PCMTD1: variants seen among roughly 807,000 people sequenced by gnomAD.
The protein encoded by PCMTD1 is protein-L-isoaspartate (D-aspartate) O-methyltransferase domain containing 1.
In PCMTD1, 12 loss-of-function variants were observed where a neutral mutation model predicts 37.6. That is an observed-to-expected ratio of 0.32 (90% CI 0.20 to 0.52). The LOEUF is 0.52. Among genes scored for constraint, PCMTD1 ranks in the 20% least tolerant of loss-of-function variants. The pLI, the probability that PCMTD1 is intolerant of heterozygous loss-of-function variation, is 0.97. For synonymous variants in PCMTD1, 117 were observed against 135.8 expected, an observed-to-expected ratio of 0.86 and a Z score of 0.96; for missense variants, 235 against 421.3, an observed-to-expected ratio of 0.56 and a Z score of 3.87.
intron 5 of PCMTD1, among the ~76,000 whole-genome samples, chr8:51,829,193 G>A (rs1232492501): frequency 6.6e-6 from 1 of 152,094 alleles, no homozygotes; most frequent in Non-Finnish European, 1.5e-5. Flanking sequence ...TGTAAAAAGT[G>A]GTCAACAAAT....
chr8:51,826,981 T>C (rs1290091508), intron 5 of PCMTD1: 1 of 932,740 alleles, frequency 1.1e-6, no homozygotes, highest in Non-Finnish European at 1.3e-6. Flanking sequence ...CAAGATACAT[T>C]TGGCAAATAA....
intron 2 of PCMTD1, among the ~76,000 whole-genome samples, chr8:51,847,550 T>C (rs958679516): frequency 1.3e-5 from 2 of 151,666 alleles, no homozygotes; most frequent in South Asian, 4.2e-4. Context: ...TTGCTTCAAC[T>C]CAGGAGACGG....
At chr8:51,822,732 A>G (rs2037866888) in intron 5 of PCMTD1, among the ~76,000 whole-genome samples, 1 of 152,184 alleles carries the variant, frequency 6.6e-6, no homozygotes, top group South Asian at 2.1e-4. Context: ...TGGAGATGCT[A>G]ATCTCATGTC....
At chr8:51,846,165 A>G (rs1470090023) in intron 2 of PCMTD1, among the ~76,000 whole-genome samples, 8 of 152,210 alleles carry the variant, frequency 5.3e-5, no homozygotes, top group East Asian at 1.9e-4. Flanking sequence ...GCTAACACAG[A>G]TATTACATGA....
chr8:51,853,868 A>G (rs1242912839), intron 2 of PCMTD1, among the ~76,000 whole-genome samples: 1 of 151,912 alleles, frequency 6.6e-6, no homozygotes, highest in Non-Finnish European at 1.5e-5. Context: ...ATCCCACCTT[A>G]GCTAGGAAGA....
At chr8:51,869,779 A>C (rs1377499102) in intron 1 of PCMTD1, among the ~76,000 whole-genome samples, 1 of 152,198 alleles carries the variant, frequency 6.6e-6, no homozygotes, top group Non-Finnish European at 1.5e-5. Context: ...TGTCTGTTTG[A>C]GAAGGAAGTC....
intron 2 of PCMTD1, among the ~76,000 whole-genome samples, chr8:51,852,491 A>G (rs1416939892): frequency 6.6e-6 from 1 of 152,182 alleles, no homozygotes; most frequent in Non-Finnish European, 1.5e-5. Flanking sequence ...TAGCTGCTTG[A>G]TAGAAATCTG....
chr8:51,875,117 CATA>C (rs936867289), intron 1 of PCMTD1, among the ~76,000 whole-genome samples: 3 of 152,124 alleles, frequency 2.0e-5, no homozygotes, highest in African/African-American at 7.2e-5. Flanking sequence ...ACTAAGTAAA[CATA>C]ATGCTTCTTT....
intron 1 of PCMTD1, among the ~76,000 whole-genome samples, chr8:51,868,860 T>C (rs976748402): frequency 2.0e-5 from 3 of 152,190 alleles, no homozygotes; most frequent in Non-Finnish European, 4.4e-5. Flanking sequence ...AATTAAAATT[T>C]TCATAATGCT....
chr8:51,861,163 A>C lies in PCMTD1; in HGVS notation c.-12T>G, dbSNP rs376782286. The C allele has an allele frequency of 8.4e-5, 132 of 1,565,796 alleles. No homozygotes were observed. The highest frequency in any genetic ancestry group is 1.0e-4 in the Non-Finnish European group (115 of 1,153,280). ...ACAGCTCCTCCCATGATAGTATTCA[A>C]ATCAAATCATAAATTTAAAAGTGAA... On this transcript the variant is annotated 5_prime_UTR_variant, in exon 2 of 6. The change creates a new upstream start codon in the 5' untranslated region. Coordinates refer to ENST00000522514, the MANE Select transcript of PCMTD1 (RefSeq NM_052937.4).
At position 51,820,184 on chromosome 8, in the gene PCMTD1, T is replaced by C; in HGVS notation, c.*167A>G. The C allele has an allele frequency of 1.9e-6, 1 of 529,716 alleles. No homozygotes were observed. Among genetic ancestry groups the C allele is most frequent in the Non-Finnish European group, 3.0e-6 (1 of 330,324 alleles). The allele number at this position is 529,716 out of a possible 1,614,324, so 32.8% of individuals were successfully genotyped here. ...AAAATAGATTTTATAAAAGGGATTC[T>C]TTTATTCACTGAATACATCATTTGT... On this transcript the variant is annotated 3_prime_UTR_variant, in exon 6 of 6. Coordinates refer to ENST00000522514, the MANE Select transcript of PCMTD1 (RefSeq NM_052937.4).
intron 1 of PCMTD1, among the ~76,000 whole-genome samples, chr8:51,896,929 A>C (rs2039009764): frequency 6.6e-6 from 1 of 151,594 alleles, no homozygotes; most frequent in African/African-American, 2.4e-5. Context: ...TCTTTTACTC[A>C]AAGCCTCTAT....
intron 1 of PCMTD1, 33 bp downstream of exon 1, chr8:51,898,897 A>T: frequency 7.6e-7 from 1 of 1,308,548 alleles, no homozygotes; most frequent in Non-Finnish European, 9.7e-7. Context: ...CGCACACCCC[A>T]CGACCCCGAG....
chr8:51,874,135 T>C (rs538740911), intron 1 of PCMTD1, among the ~76,000 whole-genome samples: 1 of 152,228 alleles, frequency 6.6e-6, no homozygotes, highest in Non-Finnish European at 1.5e-5. Context: ...CCTCACCTCC[T>C]GATCCGCCCA....
intron 1 of PCMTD1, among the ~76,000 whole-genome samples, chr8:51,885,610 A>G (rs759357654): frequency 1.3e-5 from 2 of 152,238 alleles, no homozygotes; most frequent in Non-Finnish European, 2.9e-5. Context: ...AAACCACTGA[A>G]AAACTCCTTA....
chr8:51,817,670 A>T lies in PCMTD1; in HGVS notation c.*2681T>A. 4.5e-6 allele frequency: 1 copy of T among 223,936 alleles called. No homozygotes were observed. The highest frequency in any genetic ancestry group is 9.1e-6 in the Non-Finnish European group (1 of 110,432). 13.9% of individuals were successfully genotyped at this position (223,936 alleles called of 1,614,324 possible). A position where few individuals can be genotyped will look rare whatever the true frequency, so the allele number is the denominator to read the frequency against. ...TTGCTTCACTTTTATCATCTCAAAC[A>T]GCTATAAATCAACACACTTTTTGTA... On this transcript the variant is annotated 3_prime_UTR_variant, in exon 6 of 6. Transcript: ENST00000522514.
intron 1 of PCMTD1, among the ~76,000 whole-genome samples, chr8:51,876,940 T>C (rs1316940316): frequency 6.6e-6 from 1 of 152,184 alleles, no homozygotes; most frequent in Non-Finnish European, 1.5e-5. Context: ...AACAGGATTA[T>C]CTGCGTAATC....
rs1382813400 is a variant in PCMTD1 at position 51,818,500 on chromosome 8, G to C, written c.*1851C>G. 6.6e-6 allele frequency: 1 copy of C among 152,176 alleles called. No homozygotes were observed. The highest frequency in any genetic ancestry group is 1.5e-5 in the Non-Finnish European group (1 of 68,280). The allele number at this position is 152,176 out of a possible 1,614,324, so 9.4% of individuals were successfully genotyped here. On this transcript the variant is annotated 3_prime_UTR_variant, in exon 6 of 6. Coordinates refer to ENST00000522514, the MANE Select transcript of PCMTD1 (RefSeq NM_052937.4). ...AAACATGTGGTCACCAGGAATTCAA[G>C]GTAACTAGGTACTTCAAAAGCCACA...
chr8:51,875,344 A>G (rs1331915739), intron 1 of PCMTD1, among the ~76,000 whole-genome samples: 3 of 152,180 alleles, frequency 2.0e-5, no homozygotes, highest in African/African-American at 7.2e-5. Flanking sequence ...CCAAACACAT[A>G]TTATATAATT....
Sources: allele counts gnomAD v4.1 joint callset (sites outside exome capture counted in the v4.1 genomes callset), GRCh38; gene constraint gnomAD v4.1.1; transcripts MANE v1.5; gene names NCBI Gene and HGNC (gene_info 2026-07-23, HGNC 2026-07-21).